The following PPP1R21 variants were observed in gnomAD, a reference collection of about 807,000 sequenced individuals.
PPP1R21 encodes the protein protein phosphatase 1 regulatory subunit 21.
PPP1R21 carries 85 observed loss-of-function variants against 112.8 expected under a neutral mutation model. The ratio of observed to expected loss-of-function variants is 0.75; its 90% CI spans 0.63 to 0.90. The LOEUF is 0.90. PPP1R21 is among the 40% of genes least tolerant of loss of function. PPP1R21 has a pLI of 0.00. For synonymous variants in PPP1R21, 381 were observed against 322.3 expected (o/e 1.18, Z -1.95); for missense variants, 1,199 against 901.5 (o/e 1.33, Z -4.23).
chr2:48,470,538 T>C (rs1668452957), intron 9 of PPP1R21, among the ~76,000 whole-genome samples: 1 of 148,404 alleles, frequency 6.7e-6, no homozygotes, highest in Non-Finnish European at 1.5e-5. Context: ...AAAAAAAAGG[T>C]TTCTGTATCC....
rs1339953008 is a variant in PPP1R21, at chr2:48,511,473, G to C, written c.2313+5G>C. 9 of 1,608,886 alleles carry C rather than the reference G, an allele frequency of 5.6e-6. No individual in the cohort carries two copies. The South Asian group carries it at 1.0e-4, about 18-fold the overall frequency. On this transcript the variant is annotated splice_donor_5th_base_variant and intron_variant, in intron 21 of 21. Coordinates refer to ENST00000294952, the MANE Select transcript of PPP1R21 (RefSeq NM_001135629.3). ...ACACTAAAGATGTCCAGTAAGGTAT[G>C]TGAGGTGAGGTGAGGTAGTCTCTCT...
chr2:48,482,644 T>A (rs1027233971), intron 13 of PPP1R21, among the ~76,000 whole-genome samples: 1 of 136,888 alleles, frequency 7.3e-6, no homozygotes, highest in African/African-American at 2.9e-5. Flanking sequence ...ATAAAGACAC[T>A]GTTTTTTTTT....
rs545430649 is a variant in PPP1R21, at chr2:48,503,372, A to G, written c.1936-2192A>G. 3.2e-4 allele frequency among the ~76,000 whole-genome samples: 49 copies of G among 152,358 alleles called. 1 individual carries two copies. In the South Asian group the frequency reaches 0.01, roughly 32 times the overall value. ...AACTCAGTAGAAACTTACTGATTTCATAGTATTCCATATCTATTATACCTT... is the reference window on the plus strand; with the variant it reads ...AACTCAGTAGAAACTTACTGATTTCGTAGTATTCCATATCTATTATACCTT... On this transcript the variant is annotated intron_variant, in intron 17 of 21. Transcript: ENST00000294952.
chr2:48,460,197 C>T lies in PPP1R21; in HGVS notation c.599+44C>T, dbSNP rs79151808. ...TCCAAGAGGGTTCTGAAGCAAGACT[C>T]AGAAGACATGGGTTTTGGTTGTAGC... On this transcript the variant is annotated intron_variant, in intron 6 of 21. Transcript: ENST00000294952. 1,929 of 1,595,654 alleles carry T rather than the reference C, an allele frequency of 1.2e-3. 29 individuals are homozygous for T. The East Asian group carries it at 0.029, about 24-fold the overall frequency.
intron 18 of PPP1R21, among the ~76,000 whole-genome samples, chr2:48,506,201 C>G (rs918023701): frequency 6.6e-6 from 1 of 152,218 alleles, no homozygotes; most frequent in Non-Finnish European, 1.5e-5. Flanking sequence ...ACAAGTTATT[C>G]TCCTGCCTGA....
chr2:48,480,861 A>C (rs960783455), intron 13 of PPP1R21, among the ~76,000 whole-genome samples: 1 of 152,190 alleles, frequency 6.6e-6, no homozygotes, highest in Non-Finnish European at 1.5e-5. Flanking sequence ...CATGGATAAG[A>C]GGCATATATT....
intron 7 of PPP1R21, among the ~76,000 whole-genome samples, chr2:48,464,040 G>C (rs1463684842): frequency 6.6e-6 from 1 of 152,184 alleles, no homozygotes; most frequent in Non-Finnish European, 1.5e-5. Flanking sequence ...GCCCCCTGGA[G>C]TTAGGCAGAG....
chr2:48,441,240 T>C, intron 1 of PPP1R21: 1 of 584,972 alleles, frequency 1.7e-6, no homozygotes, highest in Non-Finnish European at 3.1e-6. Flanking sequence ...AAGCTGGAGT[T>C]TGATTCTTCC....
At chr2:48,503,362 TA>T (rs1670215043) in intron 17 of PPP1R21, among the ~76,000 whole-genome samples, 1 of 152,206 alleles carries the variant, frequency 6.6e-6, no homozygotes. Flanking sequence ...AGTAGAAACT[TA>T]CTGATTTCAT....
Position 48,498,754 on chromosome 2 carries a change from G to T in PPP1R21, c.1935+19G>T, listed in dbSNP as rs891821104. The stretch of plus-strand genomic sequence containing the variant: ...CAGTCTAGTAAGTGTCTTCTTGGTT[G>T]TCCTCAGTTTTCTTTTTTAAATGCT... On this transcript the variant is annotated intron_variant, in intron 17 of 21. Coordinates refer to ENST00000294952, the MANE Select transcript of PPP1R21 (RefSeq NM_001135629.3). 1 of 1,609,022 alleles carries T rather than the reference G, an allele frequency of 6.2e-7. No homozygotes were observed. Among genetic ancestry groups the T allele is most frequent in the Admixed American group, 1.7e-5 (1 of 59,606 alleles).
At chr2:48,477,435 G>A (rs1020461097) in intron 12 of PPP1R21, among the ~76,000 whole-genome samples, 2 of 152,038 alleles carry the variant, frequency 1.3e-5, no homozygotes, top group African/African-American at 4.8e-5. Context: ...TTTAATTTTT[G>A]TATATGGTGC....
chr2:48,475,378 T>C (rs1432618711), intron 12 of PPP1R21, among the ~76,000 whole-genome samples: 1 of 151,990 alleles, frequency 6.6e-6, no homozygotes, highest in Non-Finnish European at 1.5e-5. Context: ...AAAAATAAAT[T>C]ATGTAAAATA....
At chr2:48,490,225 AAAAAAAAAAAAAAAGAAAG>A (rs1163586255) in intron 14 of PPP1R21, among the ~76,000 whole-genome samples, 1 of 118,940 alleles carries the variant, frequency 8.4e-6, no homozygotes, top group Non-Finnish European at 2.0e-5. Context: ...ACTCAAAAAA[AAAAAAAAAAAAAAAGAAAG>A]AAAAGAAAAA....
At chr2:48,482,946 C>T (rs1007226028) in intron 13 of PPP1R21, among the ~76,000 whole-genome samples, 1 of 152,042 alleles carries the variant, frequency 6.6e-6, no homozygotes, top group Non-Finnish European at 1.5e-5. Context: ...CATCCCCCAC[C>T]CTCCATCAGG....
intron 13 of PPP1R21, among the ~76,000 whole-genome samples, chr2:48,484,173 T>G (rs968021175): frequency 6.6e-6 from 1 of 152,108 alleles, no homozygotes; most frequent in African/African-American, 2.4e-5. Context: ...CAGAGATCTG[T>G]TTTGCAGCCA....
intron 9 of PPP1R21, 31 bp downstream of exon 9, chr2:48,465,673 C>T: frequency 1.3e-6 from 2 of 1,594,692 alleles, no homozygotes; most frequent in Non-Finnish European, 1.7e-6. Flanking sequence ...ATTTTGTTTG[C>T]CCTGAACAAA....
At chr2:48,487,188 C>G (rs563903879) in intron 14 of PPP1R21, among the ~76,000 whole-genome samples, 1 of 152,146 alleles carries the variant, frequency 6.6e-6, no homozygotes, top group Non-Finnish European at 1.5e-5. Flanking sequence ...TATGAAGGGT[C>G]TGCCATATAG....
At chr2:48,494,458 G>T (rs1272022369) in intron 15 of PPP1R21, among the ~76,000 whole-genome samples, 1 of 151,166 alleles carries the variant, frequency 6.6e-6, no homozygotes, top group Non-Finnish European at 1.5e-5. Context: ...TCAGAGTCTT[G>T]CTCTGTCGCC....
At chr2:48,478,508 C>T (rs1228145112) in intron 12 of PPP1R21, among the ~76,000 whole-genome samples, 3 of 152,238 alleles carry the variant, frequency 2.0e-5, no homozygotes, top group Non-Finnish European at 4.4e-5. Flanking sequence ...TCACTGATCA[C>T]ACCCAGGTTT....
Sources: gnomAD v4.1 joint callset for allele counts (sites outside exome capture counted in the v4.1 genomes callset) on GRCh38, gnomAD v4.1.1 for gene constraint, MANE v1.5 for transcripts, NCBI Gene and HGNC (gene_info 2026-07-23, HGNC 2026-07-21) for gene names.